MEP1A: variants seen among roughly 807,000 people sequenced by gnomAD.
The protein encoded by MEP1A is N-benzoyl-L-tyrosyl-P-amino-benzoic acid hydrolase subunit alpha.
Under a neutral mutation model 84.5 loss-of-function variants are expected in MEP1A, and 68 were observed. The ratio of observed to expected loss-of-function variants is 0.80; its 90% CI spans 0.66 to 0.98. The LOEUF (loss-of-function observed/expected upper bound fraction) is 0.98, where lower values mean the gene tolerates loss of function less well. MEP1A is among the 50% of genes least tolerant of loss of function. The pLI is 0.00. For missense variants in MEP1A, 887 were observed against 919.9 expected, an observed-to-expected ratio of 0.96 and a Z score of 0.46; for synonymous variants, 337 against 336.8, an observed-to-expected ratio of 1.00 and a Z score of -0.01.
At chr6:46,816,153 G>A (rs1367971785) in intron 6 of MEP1A, among the ~76,000 whole-genome samples, 2 of 151,884 alleles carry the variant, frequency 1.3e-5, no homozygotes, top group Non-Finnish European at 2.9e-5. Context: ...GGCCAGGCTG[G>A]TCTTGAACTC....
In MEP1A at chr6:46,811,217, T is replaced by G. The variant is rs541779139; in HGVS notation, c.380+1680T>G. Among the ~76,000 whole-genome samples the G allele has an allele frequency of 2.0e-5, 3 of 152,078 alleles. No individual in the cohort carries two copies. In the East Asian group the frequency reaches 5.8e-4, roughly 29 times the overall value. Reference sequence around the variant, plus strand: ...TAGGTATATTCCTAAGTATTTTATTTTATATTTTGCAGCTATTGTGAAATG... The same window carrying G: ...TAGGTATATTCCTAAGTATTTTATTGTATATTTTGCAGCTATTGTGAAATG... On this transcript the variant is annotated intron_variant, in intron 6 of 13. Transcript: ENST00000230588.
chr6:46,820,777 G>GA (rs548856625), intron 7 of MEP1A, among the ~76,000 whole-genome samples: 5,121 of 145,148 alleles, frequency 0.035, 84 homozygotes, highest in South Asian at 0.064. Flanking sequence ...TGATGTGGTA[G>GA]AAAAAAAAAA....
intron 13 of MEP1A, 32 bp downstream of exon 13, chr6:46,835,581 C>G (rs1181516024): frequency 6.2e-7 from 1 of 1,608,494 alleles, no homozygotes; most frequent in East Asian, 2.2e-5. Flanking sequence ...ACAGGCAGGC[C>G]AGCAGACCTG....
Position 46,833,259 on chromosome 6 carries a change from G to A in MEP1A, c.1330G>A (p.Val444Ile), listed in dbSNP as rs775728309. 3 of 1,614,228 alleles carry A rather than the reference G, an allele frequency of 1.9e-6. No homozygotes were observed. The highest frequency in any genetic ancestry group is 1.7e-6 in the Non-Finnish European group (2 of 1,180,040). ...CTGGACAGTCCGGAATTTCTCCCAAGTCCTTGAGAACACCAGCAAAGGGGA... is the reference window on the plus strand; with the variant it reads ...CTGGACAGTCCGGAATTTCTCCCAAATCCTTGAGAACACCAGCAAAGGGGA... ...GVWTVRNFSQ[V>I]LENTSKGDKL... Residue 444 changes from valine (V) to isoleucine (I), a missense_variant, in exon 11 of 14, where the codon GTC becomes ATC. Transcript: ENST00000230588.
intron 3 of MEP1A, among the ~76,000 whole-genome samples, chr6:46,794,757 C>G (rs563265556): frequency 1.5e-4 from 23 of 152,304 alleles, no homozygotes; most frequent in African/African-American, 4.8e-4. Flanking sequence ...TAAAATATCT[C>G]TCTTTAGAGT....
At chr6:46,802,369 A>G (rs1767214160) in intron 5 of MEP1A, among the ~76,000 whole-genome samples, 1 of 151,898 alleles carries the variant, frequency 6.6e-6, no homozygotes, top group Non-Finnish European at 1.5e-5. Context: ...ATTTTACTAC[A>G]TAATGTTTTC....
rs1423589342 is a variant in MEP1A at position 46,808,943 on chromosome 6, T to C, written c.263-477T>C. On this transcript the variant is annotated intron_variant, in intron 5 of 13. Coordinates refer to ENST00000230588, the MANE Select transcript of MEP1A (RefSeq NM_005588.3). ...TCCTCCTCCAGAAAGAGAGAATGTC[T>C]TTTTAGATTGGGGTAAGGAACACTA... 6.6e-5 allele frequency among the ~76,000 whole-genome samples: 10 copies of C among 151,974 alleles called. No homozygotes were observed. In the South Asian group the frequency reaches 1.0e-3, roughly 16 times the overall value.
chr6:46,832,720 T>G (rs9472885), intron 10 of MEP1A, among the ~76,000 whole-genome samples: 1 of 151,880 alleles, frequency 6.6e-6, no homozygotes, highest in Non-Finnish European at 1.5e-5. Context: ...CTATTTTATA[T>G]GATTCAGCCT....
chr6:46,807,512 T>TAAAGAAAGAAAGAAAG (rs60287159), intron 5 of MEP1A, among the ~76,000 whole-genome samples: 20 of 49,582 alleles, frequency 4.0e-4, no homozygotes, highest in Non-Finnish European at 4.4e-4. Flanking sequence ...CCATCTGAAA[T>TAAAGAAAGAAAGAAAG]AAAGAAAGAA....
intron 6 of MEP1A, among the ~76,000 whole-genome samples, chr6:46,818,897 G>A (rs1317303802): frequency 1.3e-5 from 2 of 152,112 alleles, no homozygotes; most frequent in Admixed American, 6.6e-5. Context: ...AGGTCAAGGA[G>A]GGCAAATCGT....
intron 6 of MEP1A, among the ~76,000 whole-genome samples, chr6:46,812,024 T>G (rs1413403392): frequency 6.6e-6 from 1 of 152,116 alleles, no homozygotes; most frequent in African/African-American, 2.4e-5. Context: ...CTCTATCTTT[T>G]GGAATAGTGT....
intron 5 of MEP1A, among the ~76,000 whole-genome samples, chr6:46,803,407 A>C (rs1195755311): frequency 1.3e-5 from 2 of 151,628 alleles, no homozygotes; most frequent in Non-Finnish European, 3.0e-5. Context: ...TTATCTTTAT[A>C]ATGTCTGTAG....
chr6:46,819,392 T>C (rs1335687826), intron 6 of MEP1A, 137 bp from the exon 7 acceptor site: 3 of 670,896 alleles, frequency 4.5e-6, no homozygotes, highest in Non-Finnish European at 7.5e-6. Context: ...TTTGGACCAT[T>C]AGCATATGAG....
intron 6 of MEP1A, among the ~76,000 whole-genome samples, chr6:46,809,755 A>T (rs539354967): frequency 1.3e-5 from 2 of 152,084 alleles, no homozygotes; most frequent in South Asian, 4.2e-4. Flanking sequence ...GGTTGCTGTG[A>T]ATGCCATTAT....
rs1316374126 is a variant in MEP1A at position 46,809,415 on chromosome 6, T to C, written c.263-5T>C. The stretch of plus-strand genomic sequence containing the variant: ...GCTCATTGATATTTTTACTGATTTC[T>C]GCAGGGCTGAATGCTAAAGGAGCCA... On this transcript the variant is annotated splice_region_variant and splice_polypyrimidine_tract_variant and intron_variant, in intron 5 of 13. Coordinates refer to ENST00000230588, the MANE Select transcript of MEP1A (RefSeq NM_005588.3). The C allele has an allele frequency of 1.3e-6, 2 of 1,577,322 alleles. No individual in the cohort carries two copies. Among genetic ancestry groups the C allele is most frequent in the Non-Finnish European group, 1.7e-6 (2 of 1,151,926 alleles).
intron 5 of MEP1A, among the ~76,000 whole-genome samples, chr6:46,805,545 T>A (rs1253326125): frequency 6.6e-6 from 1 of 151,948 alleles, no homozygotes; most frequent in African/African-American, 2.4e-5. Flanking sequence ...TTTGGATATG[T>A]CTTTTATCAG....
chr6:46,810,013 A>G (rs1485763784), intron 6 of MEP1A, among the ~76,000 whole-genome samples: 1 of 151,780 alleles, frequency 6.6e-6, no homozygotes, highest in Admixed American at 6.6e-5. Context: ...TGGTAGTTCT[A>G]CTTTTAGTTC....
rs1415437930 is a variant in MEP1A, at chr6:46,834,433, TTATATTTATTTATTTATTTA to T, written c.1610-143_1610-124del. 2.8e-5 allele frequency: 6 copies of T among 214,974 alleles called. No homozygotes were observed. In the Admixed American group the frequency reaches 4.3e-4, roughly 15 times the overall value. The allele number at this position is 214,974 out of a possible 1,614,324, so 13.3% of individuals were successfully genotyped here. A position where few individuals can be genotyped will look rare whatever the true frequency, so the allele number is the denominator to read the frequency against. ...TTTTTTTCCAACACTTTTTTTATTT[TTATATTTATTTATTTATTTA>T]TTTATTTATTTATTTATTTATTTAT... On this transcript the variant is annotated intron_variant, in intron 11 of 13. Coordinates refer to ENST00000230588, the MANE Select transcript of MEP1A (RefSeq NM_005588.3).
the MEP1A span, among the ~76,000 whole-genome samples, chr6:46,845,283 T>C: frequency 6.6e-6 from 1 of 152,212 alleles, no homozygotes; most frequent in Admixed American, 6.5e-5. Context: ...TCCCTTCCTC[T>C]ATCCTAATGA....
Sources: allele counts gnomAD v4.1 joint callset (sites outside exome capture counted in the v4.1 genomes callset), GRCh38; gene constraint gnomAD v4.1.1; transcripts MANE v1.5; gene names NCBI Gene and HGNC (gene_info 2026-07-23, HGNC 2026-07-21).